Variants in MROH9 observed in about 807,000 individuals in gnomAD.
MROH9 encodes the protein maestro heat-like repeat-containing protein family member 9.
Under a neutral mutation model 98.2 loss-of-function variants are expected in MROH9, and 92 were observed. The ratio of observed to expected loss-of-function variants is 0.94; its 90% CI spans 0.79 to 1.11. The LOEUF (loss-of-function observed/expected upper bound fraction) is 1.11. Among genes scored for constraint, MROH9 ranks in the 50% most tolerant of loss-of-function variants. The probability of loss-of-function intolerance (pLI) is 0.00; values close to 1 mark genes in which losing one functional copy is unlikely to be tolerated. For missense variants in MROH9, 1,057 were observed against 1,014.8 expected (o/e 1.04, Z -0.57); for synonymous variants, 397 against 368.9 (o/e 1.08, Z -0.87).
At chr1:170,969,828 A>G (rs1650371993) in intron 7 of MROH9, among the ~76,000 whole-genome samples, 1 of 152,030 alleles carries the variant, frequency 6.6e-6, no homozygotes, top group Non-Finnish European at 1.5e-5. Context: ...ACTTGGGTAG[A>G]TTTTCTATAA....
rs756006726 is a variant in MROH9, at chr1:170,958,484, G to A, written c.96G>A (p.Leu32=). Residue 32 remains leucine (L), a synonymous_variant, in exon 4 of 22, where the codon TTG becomes TTA. Transcript: ENST00000367759. ...AGGCACATAAAGTTAACAGCCTATT[G>A]GATGCATACTCAGGCCTGTTAAGTA... ...HHMAHKVNSL[L]DAYSGLLSNE... The A allele has an allele frequency of 1.2e-5, 19 of 1,573,664 alleles. No homozygotes were observed. The highest frequency in any genetic ancestry group is 1.6e-5 in the Non-Finnish European group (18 of 1,152,714).
intron 20 of MROH9, among the ~76,000 whole-genome samples, chr1:171,028,918 A>C (rs1652817742): frequency 6.6e-6 from 1 of 152,172 alleles, no homozygotes; most frequent in Non-Finnish European, 1.5e-5. Flanking sequence ...TTTTGGGCTG[A>C]GGTGATGGAG....
chr1:171,000,951 T>C (rs1651762210), intron 15 of MROH9, among the ~76,000 whole-genome samples: 2 of 152,128 alleles, frequency 1.3e-5, no homozygotes, highest in Non-Finnish European at 2.9e-5. Context: ...ATCTAATTCT[T>C]CCTGATTTAA....
At chr1:171,054,152 C>A (rs1219785930) in intron 20 of MROH9, among the ~76,000 whole-genome samples, 1 of 152,116 alleles carries the variant, frequency 6.6e-6, no homozygotes, top group African/African-American at 2.4e-5. Flanking sequence ...AATTGGATTT[C>A]TATACATAAA....
chr1:171,023,625 ATAAT>A (rs1168386690), intron 17 of MROH9, among the ~76,000 whole-genome samples: 1 of 152,192 alleles, frequency 6.6e-6, no homozygotes, highest in Non-Finnish European at 1.5e-5. Context: ...TTATTAAGGC[ATAAT>A]TAATCAATTA....
chr1:171,041,834 T>A (rs1454498515), intron 20 of MROH9, among the ~76,000 whole-genome samples: 3 of 152,074 alleles, frequency 2.0e-5, no homozygotes, highest in Non-Finnish European at 4.4e-5. Flanking sequence ...ACATTCAACA[T>A]TTTTTCATTT....
intron 15 of MROH9, among the ~76,000 whole-genome samples, chr1:171,008,867 T>C (rs560621262): frequency 3.8e-4 from 58 of 152,288 alleles, no homozygotes; most frequent in African/African-American, 1.3e-3. Context: ...GCAGCACAGA[T>C]GCTACCTTTT....
chr1:171,050,711 G>A lies in MROH9; in HGVS notation c.2282-11421G>A, dbSNP rs187050679. On this transcript the variant is annotated intron_variant, in intron 20 of 21. Transcript: ENST00000367759. ...AGGTCTTCCAGTACTGCATTGAATA[G>A]AAGTGGTGAGAGTGGACATCCTTGT... 3.6e-3 allele frequency among the ~76,000 whole-genome samples: 555 copies of A among 152,286 alleles called. 6 individuals are homozygous for A. The highest frequency in any genetic ancestry group is 5.4e-3 in the Non-Finnish European group (365 of 68,012).
chr1:171,012,882 C>G (rs1398417135), intron 15 of MROH9, among the ~76,000 whole-genome samples: 1 of 152,156 alleles, frequency 6.6e-6, no homozygotes, highest in Non-Finnish European at 1.5e-5. Context: ...GCTCATGATA[C>G]TCATGTCTTC....
At chr1:170,984,504 T>C (rs1424126337) in intron 9 of MROH9, among the ~76,000 whole-genome samples, 2 of 152,166 alleles carry the variant, frequency 1.3e-5, no homozygotes, top group African/African-American at 4.8e-5. Flanking sequence ...AAACCAGGCA[T>C]CTGTTTAAGT....
intron 20 of MROH9, among the ~76,000 whole-genome samples, chr1:171,037,653 ACT>A (rs1421316274): frequency 6.6e-6 from 1 of 152,010 alleles, no homozygotes; most frequent in Non-Finnish European, 1.5e-5. Context: ...AATAATGGAA[ACT>A]CTAACTGAAA....
intron 9 of MROH9, among the ~76,000 whole-genome samples, 199 bp from the exon 10 acceptor site, chr1:170,986,362 C>T (rs1651130941): frequency 6.6e-6 from 1 of 152,138 alleles, no homozygotes; most frequent in Admixed American, 6.5e-5. Flanking sequence ...GGATTATAGT[C>T]ATTTTTGTAC....
rs1017824845 is a variant in MROH9, at chr1:170,986,806, C to A, written c.879+96C>A. 8 of 1,317,732 alleles carry A rather than the reference C, an allele frequency of 6.1e-6. No individual in the cohort carries two copies. The Admixed American group carries it at 8.9e-5, about 15-fold the overall frequency. 81.6% of individuals were successfully genotyped at this position (1,317,732 alleles called of 1,614,324 possible). A position where few individuals can be genotyped will look rare whatever the true frequency, so the allele number is the denominator to read the frequency against. ...TGTCCACTTCTTTTTATATGTATTT[C>A]TTGTCATTGTTCATTATATGACTTC... On this transcript the variant is annotated intron_variant, in intron 10 of 21. Coordinates refer to ENST00000367759, the MANE Select transcript of MROH9 (RefSeq NM_001163629.2).
chr1:170,945,390 T>C (rs926447181), intron 1 of MROH9, 130 bp from the exon 2 acceptor site: 14 of 620,226 alleles, frequency 2.3e-5, no homozygotes, highest in Middle Eastern at 3.2e-4. Flanking sequence ...TTGTGATAAA[T>C]TGATGCACAG....
intron 20 of MROH9, among the ~76,000 whole-genome samples, chr1:171,037,280 AAAAG>A (rs1211328841): frequency 2.6e-5 from 4 of 151,656 alleles, no homozygotes; most frequent in South Asian, 2.1e-4. Context: ...GGGAGGGAGA[AAAAG>A]AAAGAAGGAA....
intron 12 of MROH9, among the ~76,000 whole-genome samples, chr1:170,994,970 G>A (rs60778036): frequency 6.6e-6 from 1 of 151,834 alleles, no homozygotes; most frequent in Non-Finnish European, 1.5e-5. Context: ...GTAGTCAATA[G>A]GCCAAATGAT....
chr1:170,955,077 C>A (rs1225819131), intron 3 of MROH9, among the ~76,000 whole-genome samples: 1 of 152,134 alleles, frequency 6.6e-6, no homozygotes, highest in African/African-American at 2.4e-5. Context: ...GTTTTCCATT[C>A]CTGACTTACT....
chr1:170,951,775 A>C (rs1571442046), intron 3 of MROH9, among the ~76,000 whole-genome samples: 1 of 152,134 alleles, frequency 6.6e-6, no homozygotes, highest in South Asian at 2.1e-4. Flanking sequence ...CTATAAAGAC[A>C]GGGCTGTTGT....
At chr1:170,993,614 G>A (rs1164105391) in intron 12 of MROH9, among the ~76,000 whole-genome samples, 1 of 152,134 alleles carries the variant, frequency 6.6e-6, no homozygotes, top group Non-Finnish European at 1.5e-5. Context: ...AACAGGGAGT[G>A]CTCGAGTTAG....
Sources: gnomAD v4.1 joint callset for allele counts (sites outside exome capture counted in the v4.1 genomes callset) on GRCh38, gnomAD v4.1.1 for gene constraint, MANE v1.5 for transcripts, NCBI Gene and HGNC (gene_info 2026-07-23, HGNC 2026-07-21) for gene names.